POU6F2: variants seen among roughly 807,000 people sequenced by gnomAD.
The protein encoded by POU6F2 is POU domain, class 6, transcription factor 2.
Under a neutral mutation model 71.3 loss-of-function variants are expected in POU6F2, and 31 were observed. The observed-to-expected ratio is 0.43, with a 90% CI of 0.33 to 0.59. POU6F2 has a LOEUF of 0.59. Ranked by LOEUF, POU6F2 falls within the 20% of genes least tolerant of loss-of-function variation. POU6F2 has a pLI of 0.04. For synonymous variants in POU6F2, 347 were observed against 355.7 expected (o/e 0.98, Z 0.27); for missense variants, 783 against 856.8 (o/e 0.91, Z 1.07).
intron 2 of POU6F2, among the ~76,000 whole-genome samples, chr7:39,130,552 A>G (rs1043647214): frequency 6.6e-6 from 1 of 152,212 alleles, no homozygotes; most frequent in African/African-American, 2.4e-5. Context: ...ATGAAACTAC[A>G]TACAGCAAAT....
intron 1 of POU6F2, among the ~76,000 whole-genome samples, chr7:39,053,686 A>T (rs1280594183): frequency 6.6e-6 from 1 of 151,590 alleles, no homozygotes; most frequent in Non-Finnish European, 1.5e-5. Flanking sequence ...CAGTTTTACC[A>T]CTCTTCTGGG....
chr7:39,042,149 T>G (rs771819404), intron 1 of POU6F2, among the ~76,000 whole-genome samples: 21 of 152,016 alleles, frequency 1.4e-4, no homozygotes, highest in Middle Eastern at 3.4e-3. Context: ...TGAGACTATG[T>G]AAATAAGACA....
intron 1 of POU6F2, among the ~76,000 whole-genome samples, chr7:39,047,906 G>A (rs1027718716): frequency 3.3e-5 from 5 of 151,944 alleles, no homozygotes; most frequent in African/African-American, 4.8e-5. Flanking sequence ...ACTGCTGATT[G>A]GTTTGGTTTG....
intron 2 of POU6F2, among the ~76,000 whole-genome samples, chr7:39,158,638 C>T (rs759531596): frequency 2.6e-5 from 4 of 152,096 alleles, no homozygotes; most frequent in Non-Finnish European, 4.4e-5. Flanking sequence ...TATCCAAGGG[C>T]AAGAGAAGGG....
intron 4 of POU6F2, among the ~76,000 whole-genome samples, chr7:39,231,660 T>C (rs1181519976): frequency 6.6e-6 from 1 of 152,132 alleles, no homozygotes; most frequent in Non-Finnish European, 1.5e-5. Context: ...CGATATGTTC[T>C]TCCAGAACTG....
intron 4 of POU6F2, among the ~76,000 whole-genome samples, chr7:39,213,884 C>T (rs990971336): frequency 6.6e-6 from 1 of 152,202 alleles, no homozygotes; most frequent in East Asian, 1.9e-4. Flanking sequence ...TGGCCACACC[C>T]CTGGGAGATT....
intron 7 of POU6F2, among the ~76,000 whole-genome samples, chr7:39,434,137 G>A (rs992856212): frequency 1.3e-5 from 2 of 152,126 alleles, no homozygotes; most frequent in Non-Finnish European, 1.5e-5. Flanking sequence ...CTTGGGAATG[G>A]AGTCCGGACA....
At chr7:39,044,585 G>A (rs1188199636) in intron 1 of POU6F2, among the ~76,000 whole-genome samples, 2 of 151,888 alleles carry the variant, frequency 1.3e-5, no homozygotes, top group African/African-American at 2.4e-5. Flanking sequence ...TGCCACCTTC[G>A]TCATGAAATA....
At chr7:39,390,513 A>C (rs1454720832) in intron 5 of POU6F2, among the ~76,000 whole-genome samples, 8 of 152,226 alleles carry the variant, frequency 5.3e-5, no homozygotes, top group Non-Finnish European at 1.0e-4. Flanking sequence ...AATAAATCTT[A>C]ACCAATTTGC....
At chr7:39,276,914 AG>A (rs1025683130) in intron 4 of POU6F2, among the ~76,000 whole-genome samples, 1 of 94,230 alleles carries the variant, frequency 1.1e-5, no homozygotes, top group Non-Finnish European at 2.2e-5. Context: ...GGGTAGGGGG[AG>A]GGGGGAGGGA....
intron 2 of POU6F2, among the ~76,000 whole-genome samples, chr7:39,103,572 C>T (rs994791875): frequency 9.3e-4 from 141 of 152,340 alleles, no homozygotes; most frequent in African/African-American, 3.2e-3. Context: ...GTTTCTACCA[C>T]CTTGACTCCT....
rs1789095041 is a variant in POU6F2 at position 39,467,316 on chromosome 7, T to C, written c.*2630T>C. The C allele has an allele frequency of 6.6e-6, 1 of 152,370 alleles. No homozygotes were observed. Among genetic ancestry groups the C allele is most frequent in the African/African-American group, 2.4e-5 (1 of 41,596 alleles). The allele number at this position is 152,370 out of a possible 1,614,324, so 9.4% of individuals were successfully genotyped here. A position where few individuals can be genotyped will look rare whatever the true frequency, so the allele number is the denominator to read the frequency against. ...AACCGATTCTTAGGAATATAAATTA[T>C]ACTGTGTAACTCATAAGTCTTTGGG... On this transcript the variant is annotated 3_prime_UTR_variant, in exon 10 of 10. Transcript: ENST00000518318.
At chr7:39,110,244 C>A (rs1234296044) in intron 2 of POU6F2, among the ~76,000 whole-genome samples, 2 of 133,608 alleles carry the variant, frequency 1.5e-5, no homozygotes, top group Admixed American at 1.7e-4. Context: ...GCACTCCAGG[C>A]TGGGACAGAG....
chr7:39,446,949 G>A (rs939360287), intron 7 of POU6F2, among the ~76,000 whole-genome samples: 3 of 152,122 alleles, frequency 2.0e-5, no homozygotes, highest in African/African-American at 4.8e-5. Flanking sequence ...CTAACAGTAG[G>A]GCGAATAAAT....
At chr7:39,189,862 T>C (rs1793624233) in intron 2 of POU6F2, among the ~76,000 whole-genome samples, 1 of 152,082 alleles carries the variant, frequency 6.6e-6, no homozygotes, top group South Asian at 2.1e-4. Flanking sequence ...ATCCTATCAA[T>C]CATTCCTTCT....
chr7:39,192,845 AAAAG>A (rs1428007090), intron 2 of POU6F2, among the ~76,000 whole-genome samples: 5 of 152,170 alleles, frequency 3.3e-5, no homozygotes, highest in African/African-American at 1.2e-4. Flanking sequence ...GCTCAAATAA[AAAAG>A]AAAGGGAGGA....
At chr7:39,219,988 T>G (rs945545808) in intron 4 of POU6F2, among the ~76,000 whole-genome samples, 1 of 152,230 alleles carries the variant, frequency 6.6e-6, no homozygotes, top group Admixed American at 6.5e-5. Flanking sequence ...TCAAAGTTAA[T>G]GCTGCTAACT....
intron 2 of POU6F2, among the ~76,000 whole-genome samples, chr7:39,173,453 TA>T (rs1227392982): frequency 6.6e-6 from 1 of 152,228 alleles, no homozygotes; most frequent in Non-Finnish European, 1.5e-5. Flanking sequence ...TTTGATGAGA[TA>T]ATCCACGGAG....
At chr7:39,148,876 G>T (rs78832984) in intron 2 of POU6F2, among the ~76,000 whole-genome samples, 1 of 152,224 alleles carries the variant, frequency 6.6e-6, no homozygotes, top group Non-Finnish European at 1.5e-5. Flanking sequence ...ATCGCGAGAT[G>T]ATGTGGATCC....
Sources: allele counts gnomAD v4.1 joint callset (sites outside exome capture counted in the v4.1 genomes callset), GRCh38; gene constraint gnomAD v4.1.1; transcripts MANE v1.5; gene names NCBI Gene and HGNC (gene_info 2026-07-23, HGNC 2026-07-21).